AFF3: variants seen among roughly 807,000 people sequenced by gnomAD.
AFF3 encodes AF4/FMR2 family member 3.
A neutral mutation model predicts 129.7 loss-of-function variants in AFF3; 32 were observed. The observed-to-expected ratio is 0.25, with a 90% CI of 0.19 to 0.33. AFF3 has a LOEUF of 0.33. AFF3 is among the 10% of genes least tolerant of loss of function. AFF3 has a pLI of 1.00. For missense variants in AFF3, 1,373 were observed against 1,592.0 expected, an observed-to-expected ratio of 0.86 and a Z score of 2.34; for synonymous variants, 644 against 635.4, an observed-to-expected ratio of 1.01 and a Z score of -0.20.
At chr2:99,851,168 C>T (rs1197723377) in intron 7 of AFF3, among the ~76,000 whole-genome samples, 1 of 152,160 alleles carries the variant, frequency 6.6e-6, no homozygotes, top group African/African-American at 2.4e-5. Flanking sequence ...ATTTATTAGA[C>T]ATTTAACCCT....
intron 4 of AFF3, among the ~76,000 whole-genome samples, chr2:100,060,206 T>C (rs1354801771): frequency 6.6e-6 from 1 of 152,030 alleles, no homozygotes; most frequent in African/African-American, 2.4e-5. Context: ...CTTGAAGAAG[T>C]TGGAAAAATA....
chr2:99,824,149 C>G (rs898379642), intron 8 of AFF3, among the ~76,000 whole-genome samples: 10 of 151,338 alleles, frequency 6.6e-5, no homozygotes, highest in Non-Finnish European at 4.4e-5. Flanking sequence ...GAGTTTCACT[C>G]TTGTTGCCCA....
intron 7 of AFF3, among the ~76,000 whole-genome samples, chr2:99,853,516 C>T (rs2105881597): frequency 6.6e-6 from 1 of 152,320 alleles, no homozygotes; most frequent in East Asian, 1.9e-4. Flanking sequence ...CCTGATCTCA[C>T]TGTCTCAGTA....
intron 7 of AFF3, among the ~76,000 whole-genome samples, chr2:99,845,019 T>A (rs546210646): frequency 1.3e-5 from 2 of 152,302 alleles, no homozygotes; most frequent in Admixed American, 6.5e-5. Context: ...TAATGCCGGT[T>A]ATCTACATTA....
chr2:99,914,340 A>G (rs1695308424), intron 7 of AFF3, among the ~76,000 whole-genome samples: 1 of 152,206 alleles, frequency 6.6e-6, no homozygotes, highest in Non-Finnish European at 1.5e-5. Context: ...TTATTCTTCA[A>G]AAATGTAAAG....
chr2:99,786,979 C>T (rs993202586), intron 8 of AFF3, among the ~76,000 whole-genome samples: 5 of 152,044 alleles, frequency 3.3e-5, no homozygotes, highest in Admixed American at 2.0e-4. Context: ...GCACCAGGAT[C>T]GGTACTTGAG....
chr2:99,837,662 T>A, intron 7 of AFF3, 138 bp from the exon 8 acceptor site: 1 of 699,524 alleles, frequency 1.4e-6, no homozygotes, highest in Non-Finnish European at 2.4e-6. Flanking sequence ...GACCTGGGAC[T>A]GGCAGACAGG....
chr2:99,991,576 G>T (rs1680337084), intron 7 of AFF3, among the ~76,000 whole-genome samples: 1 of 152,124 alleles, frequency 6.6e-6, no homozygotes, highest in African/African-American at 2.4e-5. Flanking sequence ...TGAAGAAAAA[G>T]AAAACTGTTT....
intron 13 of AFF3, among the ~76,000 whole-genome samples, chr2:99,621,390 G>A (rs1681990276): frequency 1.3e-5 from 2 of 152,246 alleles, no homozygotes; most frequent in Admixed American, 6.5e-5. Flanking sequence ...CTGCTATGCT[G>A]TGCTGTGGGT....
At chr2:99,969,503 T>A (rs866282022) in intron 7 of AFF3, among the ~76,000 whole-genome samples, 7 of 99,532 alleles carry the variant, frequency 7.0e-5, no homozygotes, top group African/African-American at 1.5e-4. Context: ...TTATTTATTT[T>A]TTGAGACAGA....
chr2:99,703,597 G>A (rs1677078355), intron 11 of AFF3, among the ~76,000 whole-genome samples: 1 of 151,464 alleles, frequency 6.6e-6, no homozygotes, highest in East Asian at 1.9e-4. Flanking sequence ...ATTGAAGTCT[G>A]CCATTTTCTT....
At chr2:99,984,395 T>C (rs1489245204) in intron 7 of AFF3, among the ~76,000 whole-genome samples, 1 of 152,164 alleles carries the variant, frequency 6.6e-6, no homozygotes, top group Non-Finnish European at 1.5e-5. Context: ...TTATGCGAAG[T>C]CCTTACTTTA....
At chr2:99,921,555 C>T (rs889176965) in intron 7 of AFF3, among the ~76,000 whole-genome samples, 3 of 152,070 alleles carry the variant, frequency 2.0e-5, no homozygotes, top group African/African-American at 7.2e-5. Context: ...TAACATCAAG[C>T]GTAGCTGAAG....
intron 7 of AFF3, among the ~76,000 whole-genome samples, chr2:99,883,249 G>C (rs1461674424): frequency 1.3e-5 from 2 of 152,072 alleles, no homozygotes; most frequent in African/African-American, 4.8e-5. Flanking sequence ...TAAAAACACA[G>C]AACTCTCATG....
chr2:99,801,166 A>G (rs1236224630), intron 8 of AFF3, among the ~76,000 whole-genome samples: 1 of 152,164 alleles, frequency 6.6e-6, no homozygotes, highest in East Asian at 1.9e-4. Flanking sequence ...AAATGTGAAA[A>G]TGATACTTCC....
intron 7 of AFF3, among the ~76,000 whole-genome samples, chr2:99,967,925 C>T (rs777015939): frequency 2.0e-5 from 3 of 152,234 alleles, no homozygotes; most frequent in Non-Finnish European, 4.4e-5. Flanking sequence ...CCATCCCTCA[C>T]ACAGCCACAG....
chr2:100,013,704 C>A (rs576725424), intron 4 of AFF3, among the ~76,000 whole-genome samples: 201 of 152,174 alleles, frequency 1.3e-3, no homozygotes, highest in African/African-American at 4.6e-3. Flanking sequence ...ACAGAGAGAA[C>A]CATAAGGAGA....
rs531223035 is a variant in AFF3 at position 99,868,016 on chromosome 2, C to CT, written c.874-30493_874-30492insA. Reference sequence around the variant, plus strand: ...TTAACACCCACGACTCTCTTTCTTTCCTTTTTTTTTTTTTTTAGGTCCTTT... The same window carrying CT: ...TTAACACCCACGACTCTCTTTCTTTCTCTTTTTTTTTTTTTTTAGGTCCTTT... On this transcript the variant is annotated intron_variant, in intron 7 of 24. Transcript: ENST00000672756. Among the ~76,000 whole-genome samples the CT allele has an allele frequency of 5.3e-3, 719 of 136,128 alleles. 14 individuals carry two copies. The highest frequency in any genetic ancestry group is 7.7e-3 in the African/African-American group (227 of 29,648). 89.3% of individuals were successfully genotyped at this position (136,128 alleles called of 152,430 possible).
At chr2:99,906,806 C>G (rs377681699) in intron 7 of AFF3, among the ~76,000 whole-genome samples, 2 of 151,872 alleles carry the variant, frequency 1.3e-5, no homozygotes, top group African/African-American at 4.8e-5. Flanking sequence ...AAGCCAACAC[C>G]TTGCAATCAA....
Sources: gnomAD v4.1 joint callset for allele counts (sites outside exome capture counted in the v4.1 genomes callset) on GRCh38, gnomAD v4.1.1 for gene constraint, MANE v1.5 for transcripts, NCBI Gene and HGNC (gene_info 2026-07-23, HGNC 2026-07-21) for gene names.